The following CRYBG3 variants were observed in gnomAD, a reference collection of about 807,000 sequenced individuals.
CRYBG3 encodes crystallin beta-gamma domain containing 3, also known as very large A-kinase anchor protein.
CRYBG3 carries 127 observed loss-of-function variants against 244.2 expected under a neutral mutation model. The observed-to-expected ratio is 0.52, with a 90% CI of 0.45 to 0.60. The LOEUF (loss-of-function observed/expected upper bound fraction) is 0.60. Ranked by LOEUF, CRYBG3 falls within the 20% of genes least tolerant of loss-of-function variation. The pLI is 0.00. For missense variants in CRYBG3, 3,325 were observed against 3,442.5 expected, an observed-to-expected ratio of 0.97 and a Z score of 0.85; for synonymous variants, 1,132 against 1,195.8, an observed-to-expected ratio of 0.95 and a Z score of 1.10.
At chr3:97,891,228 G>A (rs889832032) in intron 10 of CRYBG3, among the ~76,000 whole-genome samples, 5 of 152,004 alleles carry the variant, frequency 3.3e-5, no homozygotes, top group South Asian at 4.1e-4. Context: ...TTAAAATTCC[G>A]AACACAGGGA....
intron 2 of CRYBG3, among the ~76,000 whole-genome samples, chr3:97,851,986 A>C (rs1054646951): frequency 2.0e-5 from 3 of 152,144 alleles, no homozygotes; most frequent in African/African-American, 7.2e-5. Context: ...GGGAATTTTA[A>C]ACTTTATAGA....
At chr3:97,868,100 G>A (rs1395826661) in intron 3 of CRYBG3, among the ~76,000 whole-genome samples, 1 of 151,932 alleles carries the variant, frequency 6.6e-6, no homozygotes, top group South Asian at 2.1e-4. Flanking sequence ...TGGCTAACAC[G>A]GTGAAACCCT....
chr3:97,830,327 C>T (rs375780009), intron 1 of CRYBG3, among the ~76,000 whole-genome samples: 14 of 152,188 alleles, frequency 9.2e-5, no homozygotes, highest in African/African-American at 3.4e-4. Flanking sequence ...CAGTTTACCC[C>T]ATGACTTCCA....
intron 2 of CRYBG3, among the ~76,000 whole-genome samples, chr3:97,851,287 C>T (rs948819580): frequency 6.6e-6 from 1 of 152,128 alleles, no homozygotes; most frequent in African/African-American, 2.4e-5. Context: ...TACGCGGCAG[C>T]CAGATGTCTT....
intron 17 of CRYBG3, among the ~76,000 whole-genome samples, chr3:97,917,697 C>T (rs2039942919): frequency 6.6e-6 from 1 of 152,048 alleles, no homozygotes; most frequent in Non-Finnish European, 1.5e-5. Flanking sequence ...AAATTCTGTC[C>T]TGGGCACTTT....
intron 21 of CRYBG3, 34 bp from the exon 22 acceptor site, chr3:97,943,192 C>CAAAT: frequency 2.3e-6 from 3 of 1,283,150 alleles, no homozygotes. Flanking sequence ...CCTGCCTGAA[C>CAAAT]AAATAATCTT....
At chr3:97,905,880 C>G (rs1380704103) in intron 15 of CRYBG3, among the ~76,000 whole-genome samples, 2 of 136,492 alleles carry the variant, frequency 1.5e-5, no homozygotes, top group African/African-American at 5.3e-5. Flanking sequence ...GGTTTTAGGT[C>G]TAACGTTTAA....
Position 97,876,410 on chromosome 3 carries a change from A to G in CRYBG3, c.5216A>G (p.Glu1739Gly). The stretch of plus-strand genomic sequence containing the variant: ...GTGATGCCTGTGAGGTTAGAAATGG[A>G]AAATACTTACCCAAAGGATACTGAA... ...AEVMPVRLEM[E>G]NTYPKDTERD... Residue 1739 changes from glutamate to glycine, a missense_variant, in exon 4 of 22, where the codon GAA (glutamate) becomes GGA (glycine). This residue lies in a region of CRYBG3 where 635 missense variants were observed against 771.7 expected (regional missense o/e 0.82). Transcript: ENST00000389622. 8.1e-7 allele frequency: 1 copy of G among 1,232,130 alleles called. No homozygotes were observed. The allele number at this position is 1,232,130 out of a possible 1,614,324, so 76.3% of individuals were successfully genotyped here. A position where few individuals can be genotyped will look rare whatever the true frequency, so the allele number is the denominator to read the frequency against.
chr3:97,921,122 A>C (rs1454216288), intron 17 of CRYBG3, among the ~76,000 whole-genome samples: 1 of 109,906 alleles, frequency 9.1e-6, no homozygotes, highest in Admixed American at 1.3e-4. Flanking sequence ...AACTTTCTCT[A>C]TTTTGTGTTT....
Position 97,876,098 on chromosome 3 carries a change from A to G in CRYBG3, c.4904A>G (p.Glu1635Gly). 8.1e-7 allele frequency: 1 copy of G among 1,232,028 alleles called. No individual in the cohort carries two copies. Among genetic ancestry groups the G allele is most frequent in the Non-Finnish European group, 1.0e-6 (1 of 987,908 alleles). The allele number at this position is 1,232,028 out of a possible 1,614,324, so 76.3% of individuals were successfully genotyped here. The change falls in exon 4 of 22, where the codon GAG (glutamate) becomes GGG (glycine). Residue 1635 changes from glutamate to glycine, a missense_variant. By Grantham distance (98) the Glu-to-Gly change is moderately conservative (BLOSUM62 -2). Coordinates refer to ENST00000389622, the MANE Select transcript of CRYBG3 (RefSeq NM_153605.4). ...ACTGAAGGGGATATTGGCAAAATTG[A>G]GGTGATACCTATGATGCCAGAAGTG... ...KDTEGDIGKI[E>G]VIPMMPEVKN...
intron 3 of CRYBG3, among the ~76,000 whole-genome samples, chr3:97,869,323 A>C: frequency 6.6e-6 from 1 of 152,282 alleles, no homozygotes; most frequent in East Asian, 1.9e-4. Flanking sequence ...AACATGATAC[A>C]TTATTAAAAT....
At chr3:97,922,634 TGAGATACC>T (rs2039995435) in intron 17 of CRYBG3, among the ~76,000 whole-genome samples, 1 of 152,000 alleles carries the variant, frequency 6.6e-6, no homozygotes, top group Non-Finnish European at 1.5e-5. Context: ...AAAACCACAG[TGAGATACC>T]ATCTCACACC....
At chr3:97,935,864 C>T (rs1045749850) in intron 18 of CRYBG3, among the ~76,000 whole-genome samples, 1 of 151,980 alleles carries the variant, frequency 6.6e-6, no homozygotes, top group Non-Finnish European at 1.5e-5. Flanking sequence ...CAGGACAACC[C>T]CTGCCACAAT....
chr3:97,882,683 T>C (rs1301277483), intron 7 of CRYBG3, among the ~76,000 whole-genome samples: 1 of 152,190 alleles, frequency 6.6e-6, no homozygotes, highest in Non-Finnish European at 1.5e-5. Flanking sequence ...GAGATTTCAT[T>C]TATATACATA....
chr3:97,903,823 T>G (rs1219382372), intron 15 of CRYBG3, among the ~76,000 whole-genome samples: 1 of 152,186 alleles, frequency 6.6e-6, no homozygotes, highest in Non-Finnish European at 1.5e-5. Flanking sequence ...TGCTCAATAC[T>G]GGTAGTTCTA....
chr3:97,911,290 G>A (rs967774506), intron 15 of CRYBG3, among the ~76,000 whole-genome samples: 3 of 152,208 alleles, frequency 2.0e-5, no homozygotes, highest in East Asian at 3.9e-4. Context: ...TCAGTGCAGG[G>A]TGGACCTGTG....
At position 97,875,805 on chromosome 3, in the gene CRYBG3, T is replaced by G; in HGVS notation, c.4611T>G (p.Ile1537Met). The G allele has an allele frequency of 8.1e-7, 1 of 1,231,820 alleles. No homozygotes were observed. The highest frequency in any genetic ancestry group is 3.1e-4 in the Middle Eastern group (1 of 3,208). 76.3% of individuals were successfully genotyped at this position (1,231,820 alleles called of 1,614,324 possible). ...ATAATGAAATAAATATAGGGAAAAT[T>G]GAACTTATACCTTCCATGTTAGAAA... The part of the protein sequence containing the change: ...KKDNEINIGK[I>M]ELIPSMLETG... Residue 1537 changes from isoleucine (I) to methionine (M), a missense_variant, in exon 4 of 22, where the codon ATT becomes ATG. By Grantham distance (10) the Ile-to-Met change is conservative (BLOSUM62 1). Around this residue, in one of 4 missense-constraint regions of CRYBG3, gnomAD observed 635 missense variants for 771.7 expected, o/e 0.82. Transcript: ENST00000389622.
chr3:97,854,700 T>G (rs1237398901), intron 2 of CRYBG3, among the ~76,000 whole-genome samples: 8 of 152,054 alleles, frequency 5.3e-5, no homozygotes, highest in Admixed American at 5.2e-4. Context: ...TACATTGATT[T>G]TTTTTTATCC....
At chr3:97,937,155 A>C (rs1402821999) in intron 19 of CRYBG3, among the ~76,000 whole-genome samples, 1 of 152,102 alleles carries the variant, frequency 6.6e-6, no homozygotes, top group Non-Finnish European at 1.5e-5. Flanking sequence ...GAAAACTAAG[A>C]TACTGTAAGT....
Sources: gnomAD v4.1 joint callset for allele counts (sites outside exome capture counted in the v4.1 genomes callset) on GRCh38, gnomAD v4.1.1 for gene constraint, gnomAD v4.1.1 regional missense constraint, MANE v1.5 for transcripts, NCBI Gene and HGNC (gene_info 2026-07-23, HGNC 2026-07-21) for gene names.